ALDH5A1: variants seen among roughly 807,000 people sequenced by gnomAD.
ALDH5A1 encodes the protein succinate-semialdehyde dehydrogenase, mitochondrial.
ALDH5A1 carries 33 observed loss-of-function variants against 54.7 expected under a neutral mutation model. The ratio of observed to expected loss-of-function variants is 0.60; its 90% CI spans 0.46 to 0.81. The LOEUF is 0.81. ALDH5A1 is among the 30% of genes least tolerant of loss of function. The pLI is 0.00. For missense variants in ALDH5A1, 657 were observed against 711.0 expected (o/e 0.92, Z 0.86); for synonymous variants, 294 against 292.7 (o/e 1.00, Z -0.05).
intron 4 of ALDH5A1, 43 bp from the exon 5 acceptor site, chr6:24,515,120 TTCAG>T: frequency 6.5e-7 from 1 of 1,530,998 alleles, no homozygotes; most frequent in Non-Finnish European, 8.8e-7. Flanking sequence ...TTTTTTTTTT[TTCAG>T]TTTGGTAAAT....
chr6:24,529,089 T>G (rs1342089605), intron 8 of ALDH5A1, among the ~76,000 whole-genome samples: 3 of 152,202 alleles, frequency 2.0e-5, no homozygotes, highest in Non-Finnish European at 4.4e-5. Context: ...CATTCACAAG[T>G]AGATAATAAT....
chr6:24,528,215 C>T, intron 8 of ALDH5A1, 49 bp downstream of exon 8: 1 of 1,607,440 alleles, frequency 6.2e-7, no homozygotes. Context: ...TAGAAGAGAA[C>T]ATAGGAAACC....
At chr6:24,496,958 G>A (rs1393532836) in intron 1 of ALDH5A1, among the ~76,000 whole-genome samples, 1 of 152,136 alleles carries the variant, frequency 6.6e-6, no homozygotes, top group Non-Finnish European at 1.5e-5. Flanking sequence ...TCTCATTGAG[G>A]ACATGAGATA....
chr6:24,496,167 A>G (rs1479279177), intron 1 of ALDH5A1, among the ~76,000 whole-genome samples: 1 of 152,188 alleles, frequency 6.6e-6, no homozygotes, highest in Non-Finnish European at 1.5e-5. Context: ...TCATTCATCC[A>G]TCAGCTGTTT....
At chr6:24,516,390 G>T (rs1183843686) in intron 5 of ALDH5A1, among the ~76,000 whole-genome samples, 1 of 131,222 alleles carries the variant, frequency 7.6e-6, no homozygotes, top group Non-Finnish European at 1.5e-5. Context: ...GAGGTGAGCC[G>T]AGATCACACC....
intron 7 of ALDH5A1, 105 bp from the exon 8 acceptor site, chr6:24,527,892 T>A: frequency 7.4e-7 from 1 of 1,358,422 alleles, no homozygotes; most frequent in Non-Finnish European, 1.0e-6. Context: ...TAACCTACTT[T>A]TTTTGAAAAA....
At chr6:24,514,933 C>T (rs931612361) in intron 4 of ALDH5A1, among the ~76,000 whole-genome samples, 3 of 151,814 alleles carry the variant, frequency 2.0e-5, no homozygotes, top group Non-Finnish European at 4.4e-5. Context: ...CCACCATGTC[C>T]GGTAGAAATT....
rs1034294766 is a variant in ALDH5A1 at position 24,495,246 on chromosome 6, G to C, written c.250G>C (p.Gly84Arg). ...ATFPVQDPAS[G>R]AALGMVADCG... ...CTTCCCCGTGCAAGACCCGGCCAGC[G>C]GCGCCGCTCTGGGCATGGTAGCCGA... Residue 84 changes from glycine (G) to arginine (R), a missense_variant, in exon 1 of 10, where the codon GGC (glycine) becomes CGC (arginine). Physicochemically the swap from Gly to Arg is moderately radical, Grantham distance 125. Coordinates refer to ENST00000357578, the MANE Select transcript of ALDH5A1 (RefSeq NM_001080.3). 34 of 1,524,542 alleles carry C rather than the reference G, an allele frequency of 2.2e-5. No individual in the cohort carries two copies. Among genetic ancestry groups the C allele is most frequent in the Non-Finnish European group, 3.0e-5 (34 of 1,142,884 alleles). The allele number at this position is 1,524,542 out of a possible 1,614,324, so 94.4% of individuals were successfully genotyped here.
Position 24,534,960 on chromosome 6 carries a change from C to G in ALDH5A1, c.*1248C>G, listed in dbSNP as rs183328132. 5.3e-5 allele frequency: 8 copies of G among 152,358 alleles called. No homozygotes were observed. The East Asian group carries it at 1.5e-3, about 29-fold the overall frequency. 9.4% of individuals were successfully genotyped at this position (152,358 alleles called of 1,614,324 possible). A position where few individuals can be genotyped will look rare whatever the true frequency, so the allele number is the denominator to read the frequency against. ...TTTTATCTAATGAGAGTTTTTACAG[C>G]TCATCATTCAAATAACGCACAAAAA... On this transcript the variant is annotated 3_prime_UTR_variant, in exon 10 of 10. Transcript: ENST00000357578.
intron 5 of ALDH5A1, among the ~76,000 whole-genome samples, chr6:24,517,047 C>T (rs1759588713): frequency 6.6e-6 from 1 of 152,062 alleles, no homozygotes; most frequent in South Asian, 2.1e-4. Context: ...TGCCCTGTTG[C>T]CCAGGCTGGA....
chr6:24,531,532 C>CT (rs1204460095), intron 8 of ALDH5A1, among the ~76,000 whole-genome samples: 2 of 152,194 alleles, frequency 1.3e-5, no homozygotes, highest in Non-Finnish European at 2.9e-5. Flanking sequence ...GTGCTTAGAA[C>CT]TTTTTGCCCC....
At chr6:24,495,739 C>T (rs1212603064) in intron 1 of ALDH5A1, among the ~76,000 whole-genome samples, 2 of 152,130 alleles carry the variant, frequency 1.3e-5, no homozygotes, top group African/African-American at 4.8e-5. Context: ...GCTGAAATAT[C>T]TCCGCAGCTG....
At chr6:24,501,617 G>A (rs1204107332) in intron 1 of ALDH5A1, among the ~76,000 whole-genome samples, 1 of 152,114 alleles carries the variant, frequency 6.6e-6, no homozygotes, top group African/African-American at 2.4e-5. Context: ...AGGCTGAGCT[G>A]GGGGGATCAC....
intron 5 of ALDH5A1, among the ~76,000 whole-genome samples, chr6:24,516,481 T>TAATA (rs925783427): frequency 1.4e-5 from 2 of 141,278 alleles, no homozygotes; most frequent in African/African-American, 5.2e-5. Context: ...AAAAAATAAA[T>TAATA]AATAAAAAAA....
At chr6:24,495,995 A>G (rs1316238174) in intron 1 of ALDH5A1, among the ~76,000 whole-genome samples, 1 of 152,204 alleles carries the variant, frequency 6.6e-6, no homozygotes, top group African/African-American at 2.4e-5. Context: ...TTAAATGGGA[A>G]GAATAGAGTA....
intron 1 of ALDH5A1, among the ~76,000 whole-genome samples, chr6:24,500,242 T>C (rs907784962): frequency 5.3e-5 from 8 of 152,206 alleles, no homozygotes; most frequent in African/African-American, 1.9e-4. Context: ...TCAGTGGTAT[T>C]AAGTGCATTC....
chr6:24,536,145 T>A lies in ALDH5A1; in HGVS notation c.*2433T>A, dbSNP rs1376738734. The A allele has an allele frequency of 6.6e-6, 1 of 152,212 alleles. No homozygotes were observed. The highest frequency in any genetic ancestry group is 1.5e-5 in the Non-Finnish European group (1 of 68,034). The allele number at this position is 152,212 out of a possible 1,614,324, so 9.4% of individuals were successfully genotyped here. A position where few individuals can be genotyped will look rare whatever the true frequency, so the allele number is the denominator to read the frequency against. ...AATAAAGTAGCCATATGTAACGGGA[T>A]TTTAAAAATATATACATTTTACAAC... On this transcript the variant is annotated 3_prime_UTR_variant, in exon 10 of 10. Transcript: ENST00000357578.
chr6:24,517,123 A>G (rs1267313300), intron 5 of ALDH5A1, among the ~76,000 whole-genome samples: 1 of 151,970 alleles, frequency 6.6e-6, no homozygotes, highest in Non-Finnish European at 1.5e-5. Context: ...TCTCGTGCTC[A>G]GATTCTTGAG....
rs12333186 is a variant in ALDH5A1, at chr6:24,495,413, C to T, written c.354+63C>T. 4.8e-3 allele frequency: 7,124 copies of T among 1,473,402 alleles called. 197 individuals are homozygous for T. The African/African-American group carries it at 0.074, about 15-fold the overall frequency. The allele number at this position is 1,473,402 out of a possible 1,614,324, so 91.3% of individuals were successfully genotyped here. The stretch of plus-strand genomic sequence containing the variant: ...GGGACACGGCGGGGAGCAGAGGGGG[C>T]TTTACCCCAAAGTGACACCAGCCGC... On this transcript the variant is annotated intron_variant, in intron 1 of 9. Transcript: ENST00000357578.
Sources: allele counts gnomAD v4.1 joint callset (sites outside exome capture counted in the v4.1 genomes callset), GRCh38; gene constraint gnomAD v4.1.1; transcripts MANE v1.5; gene names NCBI Gene and HGNC (gene_info 2026-07-23, HGNC 2026-07-21).